The following MTDH variants were observed in gnomAD, a reference collection of about 807,000 sequenced individuals.
MTDH encodes protein LYRIC.
Under a neutral mutation model 72.7 loss-of-function variants are expected in MTDH, and 34 were observed. The ratio of observed to expected loss-of-function variants is 0.47; its 90% CI spans 0.36 to 0.62. The LOEUF is 0.62. MTDH is among the 20% of genes least tolerant of loss of function. MTDH has a pLI of 0.00. For missense variants in MTDH, 677 were observed against 699.4 expected (o/e 0.97, Z 0.36); for synonymous variants, 266 against 268.9 (o/e 0.99, Z 0.10).
intron 2 of MTDH, among the ~76,000 whole-genome samples, chr8:97,669,157 AT>A (rs1200318042): frequency 2.0e-5 from 3 of 151,208 alleles, no homozygotes; most frequent in Non-Finnish European, 4.4e-5. Flanking sequence ...CCACAATCTA[AT>A]TTTTTTTTGA....
Position 97,726,129 on chromosome 8 carries a change from A to G in MTDH, c.*1459A>G, listed in dbSNP as rs1331525908. 6.6e-6 allele frequency: 1 copy of G among 152,656 alleles called. No homozygotes were observed. 9.5% of individuals were successfully genotyped at this position (152,656 alleles called of 1,614,324 possible). A position where few individuals can be genotyped will look rare whatever the true frequency, so the allele number is the denominator to read the frequency against. ...GTCAGACTAGGAAAGCTAAACGAAC[A>G]AAATGGTTTTAGTTTTGCTGAAGAC... On this transcript the variant is annotated 3_prime_UTR_variant, in exon 12 of 12. Coordinates refer to ENST00000336273, the MANE Select transcript of MTDH (RefSeq NM_178812.4).
At chr8:97,673,607 C>T (rs945358964) in intron 2 of MTDH, among the ~76,000 whole-genome samples, 1 of 150,622 alleles carries the variant, frequency 6.6e-6, no homozygotes, top group Non-Finnish European at 1.5e-5. Flanking sequence ...TTGCAGTGAG[C>T]TGAGATCGCG....
At chr8:97,724,456 T>C (rs1482941301) in intron 11 of MTDH, 144 bp from the exon 12 acceptor site, 2 of 561,252 alleles carry the variant, frequency 3.6e-6, no homozygotes, top group East Asian at 3.1e-5. Flanking sequence ...ACTTAAAATA[T>C]ATAACGAGGG....
intron 6 of MTDH, among the ~76,000 whole-genome samples, chr8:97,693,378 C>G (rs1007638485): frequency 1.3e-5 from 2 of 152,154 alleles, no homozygotes; most frequent in Admixed American, 1.3e-4. Context: ...GCTCTGTCGC[C>G]CAGGCTGGAG....
intron 2 of MTDH, among the ~76,000 whole-genome samples, chr8:97,674,064 G>A (rs970834795): frequency 4.6e-5 from 7 of 152,142 alleles, no homozygotes; most frequent in Admixed American, 1.3e-4. Flanking sequence ...GCTGAGGTGG[G>A]AGGATCACTT....
intron 7 of MTDH, among the ~76,000 whole-genome samples, chr8:97,703,463 A>G (rs1055859615): frequency 3.9e-5 from 6 of 152,160 alleles, no homozygotes; most frequent in Non-Finnish European, 7.4e-5. Flanking sequence ...TGCCCACTCA[A>G]TTGCCTAAAC....
rs566953056 is a variant in MTDH, at chr8:97,661,154, T to C, written c.464T>C (p.Ile155Thr). The C allele has an allele frequency of 9.0e-5, 145 of 1,611,506 alleles. 1 individual carries two copies. The South Asian group carries it at 1.6e-3, about 18-fold the overall frequency. ...QSVTAKQPPE[I>T]DKKNEKSKKN... ...GTAACAGCAAAGCAGCCACCAGAGA[T>C]TGACAAGAAAAATGAAAAGGTAAGT... The change falls in exon 2 of 12, where the codon ATT (isoleucine) becomes ACT (threonine). Residue 155 changes from isoleucine (I) to threonine (T), a missense_variant. Ile to Thr is a moderately conservative substitution (Grantham distance 89, BLOSUM62 -1). Around this residue, in one of 3 missense-constraint regions of MTDH, gnomAD observed 467 missense variants for 469.1 expected, o/e 1.00. Coordinates refer to ENST00000336273, the MANE Select transcript of MTDH (RefSeq NM_178812.4).
In MTDH at chr8:97,704,355, G is replaced by A. The variant is rs905587326; in HGVS notation, c.1148-2271G>A. 4.6e-4 allele frequency among the ~76,000 whole-genome samples: 70 copies of A among 152,342 alleles called. 1 individual carries two copies. The highest frequency in any genetic ancestry group is 1.7e-3 in the African/African-American group (69 of 41,570). ...TAGCTCAAGTTCTAGCACATAGTAA[G>A]TGCTTAATAAGGATTGGATAGATGT... On this transcript the variant is annotated intron_variant, in intron 7 of 11. Coordinates refer to ENST00000336273, the MANE Select transcript of MTDH (RefSeq NM_178812.4).
intron 8 of MTDH, among the ~76,000 whole-genome samples, chr8:97,711,064 A>G (rs542936417): frequency 1.1e-3 from 165 of 152,278 alleles, no homozygotes; most frequent in Non-Finnish European, 1.7e-3. Context: ...CATCATTATG[A>G]ATACTAACAT....
chr8:97,644,929 G>A (rs1267522957), intron 1 of MTDH, 42 bp downstream of exon 1: 3 of 1,488,722 alleles, frequency 2.0e-6, no homozygotes, highest in African/African-American at 1.5e-5. Flanking sequence ...GGCGAAGGGC[G>A]GGCGTGGAGA....
intron 7 of MTDH, among the ~76,000 whole-genome samples, chr8:97,703,876 G>GCAAT (rs1814240309): frequency 6.6e-6 from 1 of 152,088 alleles, no homozygotes; most frequent in Admixed American, 6.6e-5. Flanking sequence ...AATCCTCTCA[G>GCAAT]CAATCCTATG....
At position 97,713,777 on chromosome 8, in the gene MTDH, G is replaced by C; in HGVS notation, c.1380+8G>C. 6.6e-7 allele frequency: 1 copy of C among 1,519,018 alleles called. No individual in the cohort carries two copies. Among genetic ancestry groups the C allele is most frequent in the Non-Finnish European group, 8.9e-7 (1 of 1,125,236 alleles). The allele number at this position is 1,519,018 out of a possible 1,614,324, so 94.1% of individuals were successfully genotyped here. ...GATAACTCTACTGCACAGGTAAAAT[G>C]TCAGAACAACAAGCATTCATTAAGC... On this transcript the variant is annotated splice_region_variant and intron_variant, in intron 9 of 11. Coordinates refer to ENST00000336273, the MANE Select transcript of MTDH (RefSeq NM_178812.4).
intron 1 of MTDH, among the ~76,000 whole-genome samples, chr8:97,649,503 C>A (rs932925595): frequency 6.6e-6 from 1 of 152,232 alleles, no homozygotes; most frequent in Non-Finnish European, 1.5e-5. Flanking sequence ...TCTTCATGAT[C>A]TAACCCTACC....
At chr8:97,709,213 C>T (rs994723712) in intron 8 of MTDH, among the ~76,000 whole-genome samples, 4 of 150,090 alleles carry the variant, frequency 2.7e-5, no homozygotes, top group Admixed American at 2.7e-4. Context: ...AAAAAAACCA[C>T]CAGATATAAT....
At chr8:97,690,920 T>C in intron 5 of MTDH, 32 bp from the exon 6 acceptor site, 1 of 1,486,708 alleles carries the variant, frequency 6.7e-7, no homozygotes, top group Non-Finnish European at 9.3e-7. Context: ...GTCATGTACC[T>C]GTTTTTTAAT....
Position 97,724,777 on chromosome 8 carries a change from C to A in MTDH, c.*107C>A. On this transcript the variant is annotated 3_prime_UTR_variant, in exon 12 of 12. Transcript: ENST00000336273. ...GTACAGAGTTTTATATAAATTTAAA[C>A]CAATTTTTAAAACAAAACTGCGGAC... 1.5e-5 allele frequency: 12 copies of A among 825,828 alleles called. No homozygotes were observed. The highest frequency in any genetic ancestry group is 7.8e-5 in the South Asian group (3 of 38,448). The allele number at this position is 825,828 out of a possible 1,614,324, so 51.2% of individuals were successfully genotyped here. A position where few individuals can be genotyped will look rare whatever the true frequency, so the allele number is the denominator to read the frequency against.
At chr8:97,696,388 A>C (rs1010674574) in intron 6 of MTDH, 2 of 473,268 alleles carry the variant, frequency 4.2e-6, no homozygotes, top group African/African-American at 4.2e-5. Context: ...AAGTACTGCT[A>C]TCAATATAAA....
At chr8:97,697,550 T>C (rs1184053886) in intron 6 of MTDH, among the ~76,000 whole-genome samples, 2 of 151,838 alleles carry the variant, frequency 1.3e-5, no homozygotes, top group Admixed American at 1.3e-4. Context: ...CACACCCGGC[T>C]AATTTTTTGT....
chr8:97,675,397 C>T (rs1222779590), intron 2 of MTDH, among the ~76,000 whole-genome samples: 1 of 151,678 alleles, frequency 6.6e-6, no homozygotes, highest in Non-Finnish European at 1.5e-5. Context: ...CCAGTCTCTA[C>T]TAAAAATACA....
Sources: gnomAD v4.1 joint callset for allele counts (sites outside exome capture counted in the v4.1 genomes callset) on GRCh38, gnomAD v4.1.1 for gene constraint, gnomAD v4.1.1 regional missense constraint, MANE v1.5 for transcripts, NCBI Gene and HGNC (gene_info 2026-07-23, HGNC 2026-07-21) for gene names.